SPTLC3: variants seen among roughly 807,000 people sequenced by gnomAD.
SPTLC3 encodes serine palmitoyltransferase long chain base subunit 3.
A neutral mutation model predicts 59.3 loss-of-function variants in SPTLC3; 36 were observed. That is an observed-to-expected ratio of 0.61 (90% CI 0.47 to 0.80). SPTLC3 has a LOEUF of 0.80. Among genes scored for constraint, SPTLC3 ranks in the 30% least tolerant of loss-of-function variants. The probability of loss-of-function intolerance (pLI) is 0.00; values close to 1 mark genes in which losing one functional copy is unlikely to be tolerated. For synonymous variants in SPTLC3, 257 were observed against 240.8 expected, an observed-to-expected ratio of 1.07 and a Z score of -0.62; for missense variants, 625 against 685.1, an observed-to-expected ratio of 0.91 and a Z score of 0.98.
At chr20:13,141,293 A>G (rs1472168876) in intron 9 of SPTLC3, among the ~76,000 whole-genome samples, 1 of 152,204 alleles carries the variant, frequency 6.6e-6, no homozygotes, top group Admixed American at 6.5e-5. Context: ...TGTGGCTGTT[A>G]TTGCAGATTT....
At chr20:13,085,202 T>C (rs1176851702) in intron 4 of SPTLC3, among the ~76,000 whole-genome samples, 1 of 152,052 alleles carries the variant, frequency 6.6e-6, no homozygotes, top group African/African-American at 2.4e-5. Context: ...CCATTTCAGA[T>C]ACTACATCTG....
intron 2 of SPTLC3, among the ~76,000 whole-genome samples, chr20:13,052,255 T>A (rs1987526865): frequency 6.6e-6 from 1 of 152,074 alleles, no homozygotes; most frequent in Admixed American, 6.5e-5. Context: ...CTGCCTCACC[T>A]GGGAAGCGCA....
At chr20:13,096,600 T>TATG (rs1185115132) in intron 6 of SPTLC3, among the ~76,000 whole-genome samples, 1 of 152,126 alleles carries the variant, frequency 6.6e-6, no homozygotes, top group African/African-American at 2.4e-5. Context: ...AAAACTAATC[T>TATG]ATGATGATAG....
At chr20:13,071,381 A>G (rs1988429331) in intron 2 of SPTLC3, among the ~76,000 whole-genome samples, 1 of 152,208 alleles carries the variant, frequency 6.6e-6, no homozygotes, top group Non-Finnish European at 1.5e-5. Flanking sequence ...TGATGTTAGC[A>G]TCATTCTTTA....
chr20:13,017,759 T>C (rs996893505), intron 1 of SPTLC3, among the ~76,000 whole-genome samples: 4 of 152,170 alleles, frequency 2.6e-5, no homozygotes, highest in African/African-American at 9.7e-5. Flanking sequence ...TAGTTACAAA[T>C]TCTTTGGAGT....
At chr20:13,045,120 A>G (rs1987176303) in intron 1 of SPTLC3, among the ~76,000 whole-genome samples, 1 of 152,136 alleles carries the variant, frequency 6.6e-6, no homozygotes, top group Non-Finnish European at 1.5e-5. Context: ...GACAGCCAGT[A>G]AAAGAGCTAC....
At chr20:13,159,221 C>T (rs575994656) in intron 10 of SPTLC3, among the ~76,000 whole-genome samples, 3 of 152,316 alleles carry the variant, frequency 2.0e-5, no homozygotes, top group African/African-American at 4.8e-5. Context: ...GAAGGTTTTA[C>T]TCTGCATCAG....
At chr20:13,034,214 G>C (rs1986631241) in intron 1 of SPTLC3, among the ~76,000 whole-genome samples, 1 of 152,004 alleles carries the variant, frequency 6.6e-6, no homozygotes. Flanking sequence ...AAATGTATTT[G>C]ATATATGTAC....
intron 6 of SPTLC3, among the ~76,000 whole-genome samples, chr20:13,104,152 G>A (rs1020125040): frequency 1.3e-5 from 2 of 152,130 alleles, no homozygotes; most frequent in African/African-American, 2.4e-5. Flanking sequence ...CAAAAGGCTA[G>A]GACTGTTTTG....
rs890594468 is a variant in SPTLC3, at chr20:13,029,666, G to T, written c.118-19279G>T. 1.2e-3 allele frequency among the ~76,000 whole-genome samples: 181 copies of T among 152,092 alleles called. 2 individuals are homozygous for T. Among genetic ancestry groups the T allele is most frequent in the Non-Finnish European group, 4.3e-4 (29 of 68,030 alleles). ...ATACTTATTTTTCATGGAAGCAAAA[G>T]GCTTTCATGAAAAGTAAAATAACAT... On this transcript the variant is annotated intron_variant, in intron 1 of 11. Transcript: ENST00000399002.
chr20:13,080,621 T>C (rs1223790329), intron 4 of SPTLC3, among the ~76,000 whole-genome samples: 1 of 151,898 alleles, frequency 6.6e-6, no homozygotes, highest in Non-Finnish European at 1.5e-5. Flanking sequence ...ATATCCTTTT[T>C]CCCTAACTGA....
At chr20:13,087,911 T>C (rs565426451) in intron 4 of SPTLC3, among the ~76,000 whole-genome samples, 6 of 152,262 alleles carry the variant, frequency 3.9e-5, no homozygotes, top group African/African-American at 1.4e-4. Flanking sequence ...AGAGAAAAGA[T>C]GAAGGGCAAA....
chr20:13,020,425 G>A (rs977148127), intron 1 of SPTLC3, among the ~76,000 whole-genome samples: 2 of 152,042 alleles, frequency 1.3e-5, no homozygotes, highest in African/African-American at 4.8e-5. Flanking sequence ...TATCCCAGGA[G>A]GTTGAAGTGG....
chr20:13,107,088 A>G (rs6033617), intron 6 of SPTLC3, among the ~76,000 whole-genome samples: 55,745 of 152,084 alleles, frequency 0.37, 10,735 homozygotes, highest in Non-Finnish European at 0.44. Flanking sequence ...AAAACATTAT[A>G]TCGATCAAAG....
chr20:13,037,102 CCAAT>C (rs2122455793), intron 1 of SPTLC3, among the ~76,000 whole-genome samples: 1 of 152,184 alleles, frequency 6.6e-6, no homozygotes, highest in Admixed American at 6.6e-5. Flanking sequence ...TCCAGAAATC[CCAAT>C]CAGACACAAC....
At chr20:13,072,527 C>G (rs1302153287) in intron 3 of SPTLC3, 117 bp downstream of exon 3, 16 of 1,159,846 alleles carry the variant, frequency 1.4e-5, no homozygotes, top group South Asian at 8.7e-5. Context: ...GGTTTTGTAT[C>G]ATTTATGCCT....
intron 1 of SPTLC3, among the ~76,000 whole-genome samples, chr20:13,016,090 A>G (rs1422632191): frequency 6.6e-6 from 1 of 152,108 alleles, no homozygotes; most frequent in Non-Finnish European, 1.5e-5. Flanking sequence ...GAATACAAAA[A>G]GAGGCCAAAC....
chr20:13,060,814 TTGTG>T (rs58161980), intron 2 of SPTLC3, among the ~76,000 whole-genome samples: 6 of 150,636 alleles, frequency 4.0e-5, no homozygotes, highest in Non-Finnish European at 7.4e-5. Flanking sequence ...TGGTATTCCA[TTGTG>T]TGTGTGTGTG....
intron 4 of SPTLC3, among the ~76,000 whole-genome samples, chr20:13,075,562 C>A (rs1402141736): frequency 6.6e-6 from 1 of 152,134 alleles, no homozygotes; most frequent in East Asian, 1.9e-4. Context: ...GCACAGATTT[C>A]TTAAGAAAAA....
Sources: allele counts gnomAD v4.1 joint callset (sites outside exome capture counted in the v4.1 genomes callset), GRCh38; gene constraint gnomAD v4.1.1; transcripts MANE v1.5; gene names NCBI Gene and HGNC (gene_info 2026-07-23, HGNC 2026-07-21).